Variants in METTL9 observed in about 807,000 individuals in gnomAD.
METTL9 encodes protein-L-histidine N-pros-methyltransferase.
Under a neutral mutation model 36.0 loss-of-function variants are expected in METTL9, and 10 were observed. The ratio of observed to expected loss-of-function variants is 0.28; its 90% CI spans 0.17 to 0.47. The LOEUF (loss-of-function observed/expected upper bound fraction) is 0.47. METTL9 is among the 20% of genes least tolerant of loss of function. METTL9 has a pLI of 0.99. For missense variants in METTL9, 246 were observed against 383.5 expected, an observed-to-expected ratio of 0.64 and a Z score of 3.00; for synonymous variants, 175 against 149.7, an observed-to-expected ratio of 1.17 and a Z score of -1.23.
At chr16:21,644,467 T>G in intron 4 of METTL9, 1 of 1,064,994 alleles carries the variant, frequency 9.4e-7, no homozygotes, top group Middle Eastern at 2.0e-4. Context: ...GTGTAAAGTA[T>G]CCTTCACACT....
chr16:21,635,611 T>A (rs1966072559), intron 4 of METTL9, among the ~76,000 whole-genome samples: 1 of 152,152 alleles, frequency 6.6e-6, no homozygotes, highest in Admixed American at 6.5e-5. Context: ...GGTGGCCATT[T>A]TTCCCCATCA....
intron 4 of METTL9, among the ~76,000 whole-genome samples, chr16:21,648,259 T>C (rs1966480749): frequency 6.6e-6 from 1 of 152,194 alleles, no homozygotes; most frequent in Admixed American, 6.5e-5. Context: ...GAGCACAGAC[T>C]TGAGTTCAAA....
At chr16:21,600,266 C>G (rs1466103534) in intron 1 of METTL9, among the ~76,000 whole-genome samples, 1 of 152,178 alleles carries the variant, frequency 6.6e-6, no homozygotes, top group African/African-American at 2.4e-5. Context: ...CGCCTGGCAC[C>G]GAGGCCTGAG....
At chr16:21,621,255 C>T (rs952729538) in intron 3 of METTL9, among the ~76,000 whole-genome samples, 1 of 152,056 alleles carries the variant, frequency 6.6e-6, no homozygotes. Flanking sequence ...TCAAACAGTC[C>T]TCCTGCCTTG....
chr16:21,633,491 A>T (rs1409600400), intron 4 of METTL9, among the ~76,000 whole-genome samples: 1 of 152,118 alleles, frequency 6.6e-6, no homozygotes, highest in Non-Finnish European at 1.5e-5. Context: ...GTAAATTGGG[A>T]TGTGTGGTCT....
chr16:21,618,519 C>A (rs1428095170), intron 3 of METTL9, among the ~76,000 whole-genome samples: 1 of 152,170 alleles, frequency 6.6e-6, no homozygotes, highest in Non-Finnish European at 1.5e-5. Context: ...ACCCAATAAA[C>A]AATAACTCCC....
upstream of METTL9, among the ~76,000 whole-genome samples, chr16:21,597,667 T>C (rs1315625021): frequency 6.6e-6 from 1 of 152,198 alleles, no homozygotes; most frequent in Non-Finnish European, 1.5e-5. Context: ...AAAGGAAATA[T>C]GCCATTTTAT....
In METTL9 at chr16:21,627,003, A is replaced by C. The variant is rs931916396; in HGVS notation, c.751+1888A>C. 3 of 985,300 alleles carry C rather than the reference A, an allele frequency of 3.0e-6. No individual in the cohort carries two copies. The Admixed American group carries it at 1.8e-4, about 61-fold the overall frequency. 61.0% of individuals were successfully genotyped at this position (985,300 alleles called of 1,614,324 possible). A position where few individuals can be genotyped will look rare whatever the true frequency, so the allele number is the denominator to read the frequency against. On this transcript the variant is annotated intron_variant, in intron 4 of 4. Coordinates refer to ENST00000358154, the MANE Select transcript of METTL9 (RefSeq NM_016025.5). ...TGAAGTGTGGAAAACAAGCTCCTTGATTGTGGATGTGCAGAGCTGCCTGTT... is the reference window on the plus strand; with the variant it reads ...TGAAGTGTGGAAAACAAGCTCCTTGCTTGTGGATGTGCAGAGCTGCCTGTT...
intron 4 of METTL9, among the ~76,000 whole-genome samples, chr16:21,630,730 A>G (rs902559586): frequency 9.9e-5 from 15 of 152,142 alleles, no homozygotes; most frequent in South Asian, 2.1e-4. Flanking sequence ...AAGACCATCT[A>G]TAGCTTGATG....
chr16:21,635,654 G>GA lies in METTL9; in HGVS notation c.751+10546dup, dbSNP rs1966074167. 3.3e-5 allele frequency among the ~76,000 whole-genome samples: 5 copies of GA among 152,160 alleles called. No individual in the cohort carries two copies. The South Asian group carries it at 1.0e-3, about 32-fold the overall frequency. The stretch of plus-strand genomic sequence containing the variant: ...AATATTGGGGCTAGGCCATAGTGCA[G>GA]AAAAAAATGAGCCGCTTCTTTTTCA... On this transcript the variant is annotated intron_variant, in intron 4 of 4. Coordinates refer to ENST00000358154, the MANE Select transcript of METTL9 (RefSeq NM_016025.5).
intron 4 of METTL9, chr16:21,641,917 T>C: frequency 5.2e-6 from 1 of 191,010 alleles, no homozygotes; most frequent in Admixed American, 6.0e-5. Flanking sequence ...AGAAAAATGA[T>C]TTGTAATTAC....
intron 1 of METTL9, among the ~76,000 whole-genome samples, chr16:21,601,324 CA>C (rs934457603): frequency 1.3e-5 from 2 of 152,126 alleles, no homozygotes; most frequent in African/African-American, 2.4e-5. Flanking sequence ...ACATATGGAA[CA>C]ATGGGGTAGA....
upstream of METTL9, among the ~76,000 whole-genome samples, chr16:21,598,214 T>C (rs1371815426): frequency 1.3e-5 from 2 of 152,014 alleles, no homozygotes; most frequent in East Asian, 3.9e-4. Context: ...CTGGGCATGG[T>C]GGCGCGCACC....
chr16:21,649,550 CATTTT>C (rs1966515099), intron 4 of METTL9, among the ~76,000 whole-genome samples: 1 of 152,126 alleles, frequency 6.6e-6, no homozygotes, highest in Non-Finnish European at 1.5e-5. Context: ...TACAGTGAAA[CATTTT>C]ATAGTATATA....
chr16:21,655,073 C>T (rs771089920), intron 4 of METTL9, 154 bp from the exon 5 acceptor site: 177 of 660,740 alleles, frequency 2.7e-4, no homozygotes, highest in Non-Finnish European at 3.7e-4. Flanking sequence ...GCCCACCTGT[C>T]TCAAAGAGTA....
chr16:21,636,671 A>G (rs531763702), intron 4 of METTL9, among the ~76,000 whole-genome samples: 3 of 152,254 alleles, frequency 2.0e-5, no homozygotes, highest in African/African-American at 7.2e-5. Context: ...GAAGTACTGG[A>G]AAGGCGGAAG....
At chr16:21,632,491 C>G (rs941312124) in intron 4 of METTL9, among the ~76,000 whole-genome samples, 1 of 152,160 alleles carries the variant, frequency 6.6e-6, no homozygotes, top group Non-Finnish European at 1.5e-5. Context: ...AAGAGATCAT[C>G]TCGGGCCACA....
chr16:21,634,769 A>G (rs1966045157), intron 4 of METTL9, among the ~76,000 whole-genome samples: 1 of 152,156 alleles, frequency 6.6e-6, no homozygotes, highest in African/African-American at 2.4e-5. Context: ...CGACGGGAGT[A>G]TATTTTCTTA....
rs549466448 is a variant in METTL9, at chr16:21,629,627, G to A, written c.751+4512G>A. ...CAGGAGTGAAGCTGCAGACCTTTGC[G>A]GTGAGTGTTACAGCTCTTAAAGGTG... On this transcript the variant is annotated intron_variant, in intron 4 of 4. Transcript: ENST00000358154. Among the ~76,000 whole-genome samples, 10 of 152,234 alleles carry A rather than the reference G, an allele frequency of 6.6e-5. No homozygotes were observed. In the East Asian group the frequency reaches 7.7e-4, roughly 12 times the overall value.
Sources: allele counts gnomAD v4.1 joint callset (sites outside exome capture counted in the v4.1 genomes callset), GRCh38; gene constraint gnomAD v4.1.1; transcripts MANE v1.5; gene names NCBI Gene and HGNC (gene_info 2026-07-23, HGNC 2026-07-21).